ATXN7L1: variants seen among roughly 807,000 people sequenced by gnomAD.
The protein encoded by ATXN7L1 is ataxin 7 like 1, also known as ataxin-7-like protein 1.
Under a neutral mutation model 70.8 loss-of-function variants are expected in ATXN7L1, and 15 were observed. The ratio of observed to expected loss-of-function variants is 0.21; its 90% CI spans 0.14 to 0.33. ATXN7L1 has a LOEUF of 0.33. Among genes scored for constraint, ATXN7L1 ranks in the 10% least tolerant of loss-of-function variants. The pLI, the probability that ATXN7L1 is intolerant of heterozygous loss-of-function variation, is 1.00. For missense variants in ATXN7L1, 975 were observed against 1,097.1 expected, an observed-to-expected ratio of 0.89 and a Z score of 1.57; for synonymous variants, 440 against 445.1, an observed-to-expected ratio of 0.99 and a Z score of 0.14.
chr7:105,641,214 CTTTTTTTTTTTTT>C (rs561100060), intron 5 of ATXN7L1, among the ~76,000 whole-genome samples: 349 of 21,794 alleles, frequency 0.016, 6 homozygotes, highest in African/African-American at 0.056. Flanking sequence ...CTCTCTCTCT[CTTTTTTTTTTTTT>C]TTTTTTTTTT....
At chr7:105,657,276 G>T (rs1800805861) in intron 4 of ATXN7L1, among the ~76,000 whole-genome samples, 1 of 152,118 alleles carries the variant, frequency 6.6e-6, no homozygotes, top group African/African-American at 2.4e-5. Flanking sequence ...CCTGATGGGA[G>T]CGTAACATTT....
intron 3 of ATXN7L1, among the ~76,000 whole-genome samples, chr7:105,774,717 C>G (rs1802490690): frequency 6.6e-6 from 1 of 151,952 alleles, no homozygotes; most frequent in Admixed American, 6.6e-5. Flanking sequence ...ATTATTAATG[C>G]GCTTTGGTTA....
intron 4 of ATXN7L1, among the ~76,000 whole-genome samples, chr7:105,658,700 T>A (rs763320582): frequency 6.6e-5 from 10 of 152,050 alleles, no homozygotes; most frequent in Non-Finnish European, 1.2e-4. Flanking sequence ...CTGGTTATTT[T>A]TTTTTGTATT....
intron 4 of ATXN7L1, among the ~76,000 whole-genome samples, chr7:105,649,760 T>C (rs1422581963): frequency 6.6e-6 from 1 of 152,246 alleles, no homozygotes; most frequent in Non-Finnish European, 1.5e-5. Flanking sequence ...CCTTCTTCAC[T>C]TACCAGAGCA....
intron 7 of ATXN7L1, among the ~76,000 whole-genome samples, chr7:105,634,233 C>T (rs1240735171): frequency 6.6e-6 from 1 of 152,204 alleles, no homozygotes; most frequent in Admixed American, 6.5e-5. Context: ...CATCACCCGT[C>T]CCCTGTCTGC....
intron 2 of ATXN7L1, among the ~76,000 whole-genome samples, chr7:105,848,778 C>T (rs1475821785): frequency 1.3e-5 from 2 of 152,176 alleles, no homozygotes; most frequent in African/African-American, 4.8e-5. Context: ...GGTCCAGGCC[C>T]TCCATGATTG....
intron 2 of ATXN7L1, among the ~76,000 whole-genome samples, chr7:105,850,344 A>G (rs2116628479): frequency 6.6e-6 from 1 of 152,304 alleles, no homozygotes; most frequent in South Asian, 2.1e-4. Context: ...ACAGGAGAGG[A>G]CCATGAGGAA....
chr7:105,645,379 A>C (rs1351912845), intron 4 of ATXN7L1, among the ~76,000 whole-genome samples: 1 of 152,196 alleles, frequency 6.6e-6, no homozygotes, highest in Non-Finnish European at 1.5e-5. Context: ...TACAGATCAG[A>C]GGCTGGGCTC....
intron 3 of ATXN7L1, among the ~76,000 whole-genome samples, chr7:105,707,082 A>G (rs1324322124): frequency 6.6e-6 from 1 of 152,220 alleles, no homozygotes; most frequent in African/African-American, 2.4e-5. Context: ...CAGTTACCAC[A>G]ACAGCCCCCA....
At chr7:105,823,109 T>A (rs1810392771) in intron 2 of ATXN7L1, among the ~76,000 whole-genome samples, 1 of 151,732 alleles carries the variant, frequency 6.6e-6, no homozygotes, top group African/African-American at 2.4e-5. Flanking sequence ...TTTTTTTTTA[T>A]ATTATTAGTT....
intron 3 of ATXN7L1, among the ~76,000 whole-genome samples, chr7:105,756,924 T>C (rs1355253295): frequency 6.6e-6 from 1 of 152,214 alleles, no homozygotes; most frequent in Admixed American, 6.5e-5. Flanking sequence ...GGGAGTTTTT[T>C]TTAACACTTA....
intron 5 of ATXN7L1, among the ~76,000 whole-genome samples, chr7:105,642,452 T>C (rs1398273): frequency 0.01 from 1,532 of 152,336 alleles, 19 homozygotes; most frequent in African/African-American, 0.035. Flanking sequence ...GAGATCCCTG[T>C]GTGTTGTCCA....
chr7:105,681,794 A>G (rs1162369231), intron 3 of ATXN7L1, among the ~76,000 whole-genome samples: 4 of 152,204 alleles, frequency 2.6e-5, no homozygotes, highest in African/African-American at 9.6e-5. Flanking sequence ...CAGACAAATA[A>G]TGTATGATTC....
intron 3 of ATXN7L1, among the ~76,000 whole-genome samples, chr7:105,767,584 C>T (rs1172066324): frequency 6.6e-6 from 1 of 152,192 alleles, no homozygotes; most frequent in Non-Finnish European, 1.5e-5. Flanking sequence ...TGTTCTCCTA[C>T]ATGTTGCAGT....
chr7:105,633,571 T>C (rs1359164076), intron 7 of ATXN7L1, among the ~76,000 whole-genome samples: 1 of 151,902 alleles, frequency 6.6e-6, no homozygotes, highest in African/African-American at 2.4e-5. Context: ...ATACAAAAAT[T>C]AGCCAGCCTA....
At chr7:105,691,689 G>A (rs898368015) in intron 3 of ATXN7L1, 45 of 150,580 alleles carry the variant, frequency 3.0e-4, no homozygotes, top group African/African-American at 1.1e-3. Flanking sequence ...AAAAAAGAGA[G>A]AGAGAGAGAA....
chr7:105,732,024 C>T (rs908378771), intron 3 of ATXN7L1, among the ~76,000 whole-genome samples: 5 of 151,842 alleles, frequency 3.3e-5, no homozygotes, highest in South Asian at 2.1e-4. Flanking sequence ...ACCCGGGAGT[C>T]GGAGGTTGCA....
chr7:105,787,844 G>C (rs529689496), intron 3 of ATXN7L1, among the ~76,000 whole-genome samples: 3 of 152,302 alleles, frequency 2.0e-5, no homozygotes, highest in Admixed American at 6.5e-5. Flanking sequence ...TACTGTGCTG[G>C]ACTCACAGCA....
chr7:105,647,278 G>A (rs985534677), intron 4 of ATXN7L1, among the ~76,000 whole-genome samples: 1 of 152,184 alleles, frequency 6.6e-6, no homozygotes, highest in Non-Finnish European at 1.5e-5. Flanking sequence ...TAGATGTTAG[G>A]TCCTCAGGCC....
Sources: gnomAD v4.1 joint callset for allele counts (sites outside exome capture counted in the v4.1 genomes callset) on GRCh38, gnomAD v4.1.1 for gene constraint, MANE v1.5 for transcripts, NCBI Gene and HGNC (gene_info 2026-07-23, HGNC 2026-07-21) for gene names.